The following PLEKHH1 variants were observed in gnomAD, a reference collection of about 807,000 sequenced individuals.
PLEKHH1 encodes the protein pleckstrin homology domain-containing family H member 1.
PLEKHH1 carries 104 observed loss-of-function variants against 160.0 expected under a neutral mutation model. The ratio of observed to expected loss-of-function variants is 0.65; its 90% CI spans 0.55 to 0.76. PLEKHH1 has a LOEUF of 0.76. Ranked by LOEUF, PLEKHH1 falls within the 30% of genes least tolerant of loss-of-function variation. The probability of loss-of-function intolerance (pLI) is 0.00; values close to 1 mark genes in which losing one functional copy is unlikely to be tolerated. For missense variants in PLEKHH1, 1,427 were observed against 1,724.1 expected, an observed-to-expected ratio of 0.83 and a Z score of 3.05; for synonymous variants, 619 against 678.4, an observed-to-expected ratio of 0.91 and a Z score of 1.36.
At chr14:67,542,131 T>C (rs1440852660) in intron 2 of PLEKHH1, 138 bp downstream of exon 2, 4 of 842,278 alleles carry the variant, frequency 4.7e-6, no homozygotes, top group Non-Finnish European at 7.0e-6. Flanking sequence ...AAACCCAAGG[T>C]AGTTTAAGAC....
Position 67,576,134 on chromosome 14 carries a change from T to A in PLEKHH1, c.2352+129T>A. ...TTGGACACTTTGGCAACTAATATTCTCTGAATGGGAATATTCCTTTATACT... is the reference window on the plus strand; with the variant it reads ...TTGGACACTTTGGCAACTAATATTCACTGAATGGGAATATTCCTTTATACT... On this transcript the variant is annotated intron_variant, in intron 16 of 28. Transcript: ENST00000329153. The surrounding 1 kb of genome is among the most constrained non-coding windows in gnomAD (Gnocchi z 4.0). 1.4e-6 allele frequency: 1 copy of A among 704,172 alleles called. No individual in the cohort carries two copies. The highest frequency in any genetic ancestry group is 2.4e-6 in the Non-Finnish European group (1 of 420,598). The allele number at this position is 704,172 out of a possible 1,614,324, so 43.6% of individuals were successfully genotyped here. A position where few individuals can be genotyped will look rare whatever the true frequency, so the allele number is the denominator to read the frequency against.
At position 67,583,683 on chromosome 14, in the gene PLEKHH1, C is replaced by T. The variant is rs1194763369; in HGVS notation, c.3427-58C>T. ...GGTTTATTTCACCTCTCAACAGCCCCCACCTGGCCCATCCACTGTCAGATT... is the reference window on the plus strand; with the variant it reads ...GGTTTATTTCACCTCTCAACAGCCCTCACCTGGCCCATCCACTGTCAGATT... On this transcript the variant is annotated intron_variant, in intron 24 of 28. Transcript: ENST00000329153. 7 of 1,381,662 alleles carry T rather than the reference C, an allele frequency of 5.1e-6. No homozygotes were observed. In the Admixed American group the frequency reaches 1.2e-4, roughly 24 times the overall value. The allele number at this position is 1,381,662 out of a possible 1,614,324, so 85.6% of individuals were successfully genotyped here. A position where few individuals can be genotyped will look rare whatever the true frequency, so the allele number is the denominator to read the frequency against.
At chr14:67,586,501 A>G (rs865874206) in intron 28 of PLEKHH1, 1 of 934,792 alleles carries the variant, frequency 1.1e-6, no homozygotes, top group Admixed American at 2.3e-5. Flanking sequence ...AACATTAGCT[A>G]CAAAGTGGGA....
At chr14:67,571,161 G>T in intron 9 of PLEKHH1, 1 of 154,016 alleles carries the variant, frequency 6.5e-6, no homozygotes, top group Admixed American at 6.4e-5. Context: ...GAACATCACT[G>T]TGCACATATA....
At chr14:67,555,416 G>C (rs970726957) in intron 2 of PLEKHH1, among the ~76,000 whole-genome samples, 5 of 152,206 alleles carry the variant, frequency 3.3e-5, no homozygotes, top group African/African-American at 1.2e-4. Flanking sequence ...ATGACACAGG[G>C]TGGGCCCTAT....
intron 1 of PLEKHH1, among the ~76,000 whole-genome samples, chr14:67,538,390 G>A (rs1485955515): frequency 6.6e-6 from 1 of 152,186 alleles, no homozygotes; most frequent in African/African-American, 2.4e-5. Flanking sequence ...GACTAATTGT[G>A]TTCGTCCTCC....
In PLEKHH1 at chr14:67,582,078, T is replaced by C. The variant is rs752786121; in HGVS notation, c.3294T>C (p.Phe1098=). The C allele has an allele frequency of 6.2e-7, 1 of 1,610,396 alleles. No homozygotes were observed. The highest frequency in any genetic ancestry group is 1.3e-5 in the African/African-American group (1 of 74,998). Residue 1098 remains phenylalanine (F), a synonymous_variant, in exon 24 of 29, where the codon TTT becomes TTC. Coordinates refer to ENST00000329153, the MANE Select transcript of PLEKHH1 (RefSeq NM_020715.3). The surrounding 1 kb of genome is among the most constrained non-coding windows in gnomAD (Gnocchi z 5.0). ...VKLMYKNRLY[F]RSQVKGETDR... ...ATTCTCTTCTTTGTAGGCTGTACTT[T>C]CGCAGTCAAGTCAAAGGGGAGACGG...
In PLEKHH1 at chr14:67,587,167, T is replaced by G; in HGVS notation, c.4027T>G (p.Trp1343Gly). ...PTNPPGACQL[W>G]ELDGRQFFSS... ...CAACCCACCCGGAGCCTGCCAGCTGTGGGAACTGGATGGACGACAGTTCTT... is the reference window on the plus strand; with the variant it reads ...CAACCCACCCGGAGCCTGCCAGCTGGGGGAACTGGATGGACGACAGTTCTT... The change falls in exon 29 of 29, where the codon TGG becomes GGG. Residue 1343 changes from tryptophan to glycine, a missense_variant. By Grantham distance (184) the Trp-to-Gly change is radical (BLOSUM62 -2). Coordinates refer to ENST00000329153, the MANE Select transcript of PLEKHH1 (RefSeq NM_020715.3). 1 of 1,613,904 alleles carries G rather than the reference T, an allele frequency of 6.2e-7. No homozygotes were observed. Among genetic ancestry groups the G allele is most frequent in the Non-Finnish European group, 8.5e-7 (1 of 1,179,816 alleles).
At chr14:67,535,036 C>T (rs947046411) in intron 1 of PLEKHH1, among the ~76,000 whole-genome samples, 7 of 152,150 alleles carry the variant, frequency 4.6e-5, no homozygotes, top group Non-Finnish European at 1.0e-4. Context: ...TGTTATAAAG[C>T]GTGCAGAGAA....
rs539743230 is a variant in PLEKHH1 at position 67,547,886 on chromosome 14, C to T, written c.126+5893C>T. ...ATCCCTCACCTAAGGGAGAGAGAGC[C>T]GGATGAAGGGAGAGGAGAGTTGAGA... On this transcript the variant is annotated intron_variant, in intron 2 of 28. Coordinates refer to ENST00000329153, the MANE Select transcript of PLEKHH1 (RefSeq NM_020715.3). Among the ~76,000 whole-genome samples the T allele has an allele frequency of 5.3e-5, 8 of 152,236 alleles. No homozygotes were observed. In the East Asian group the frequency reaches 1.3e-3, roughly 26 times the overall value.
In PLEKHH1 at chr14:67,572,201, A is replaced by G. The variant is rs375335890; in HGVS notation, c.1652A>G (p.Asp551Gly). The change falls in exon 11 of 29, where the codon GAC (aspartate) becomes GGC (glycine). Residue 551 changes from aspartate to glycine, a missense_variant. Physicochemically the swap from Asp to Gly is moderately conservative, Grantham distance 94. This residue lies in a region of PLEKHH1 where 831 missense variants were observed against 929.2 expected (regional missense o/e 0.89). Transcript: ENST00000329153. ...ATCCCCCCGGACGCCTGCTCACTGG[A>G]CAGTGACTACTCAGAGCCTGAGCAC... Reference protein sequence around the residue: ...YAIPPDACSLDSDYSEPEHKL... With the variant: ...YAIPPDACSLGSDYSEPEHKL... 1.9e-6 allele frequency: 3 copies of G among 1,609,006 alleles called. No individual in the cohort carries two copies. Among genetic ancestry groups the G allele is most frequent in the Non-Finnish European group, 2.5e-6 (3 of 1,177,934 alleles).
chr14:67,579,557 C>G, intron 21 of PLEKHH1, 164 bp from the exon 22 acceptor site: 3 of 691,302 alleles, frequency 4.3e-6, no homozygotes, highest in Non-Finnish European at 7.2e-6. Flanking sequence ...AGCTCACATC[C>G]CTCATGCACT....
chr14:67,575,709 C>T (rs776181755), intron 15 of PLEKHH1, 114 bp from the exon 16 acceptor site: 17 of 816,930 alleles, frequency 2.1e-5, no homozygotes, highest in Non-Finnish European at 3.0e-5. Context: ...CCTCCCCATC[C>T]TGTCATCGGT....
chr14:67,535,562 AG>A (rs1407263924), intron 1 of PLEKHH1, among the ~76,000 whole-genome samples: 1 of 151,730 alleles, frequency 6.6e-6, no homozygotes, highest in East Asian at 1.9e-4. Flanking sequence ...TTGTATTTTT[AG>A]TAGAGACAGG....
In PLEKHH1 at chr14:67,589,589, C is replaced by G; in HGVS notation, c.*2354C>G. On this transcript the variant is annotated 3_prime_UTR_variant, in exon 29 of 29. Transcript: ENST00000329153. The stretch of plus-strand genomic sequence containing the variant: ...TAACAGTAAATAAATAAGCCCTGTA[C>G]AGAACACAGGCACTAGGTTGACAGA... The G allele has an allele frequency of 1.0e-6, 1 of 985,652 alleles. No homozygotes were observed. Among genetic ancestry groups the G allele is most frequent in the Middle Eastern group, 5.2e-4 (1 of 1,920 alleles). 61.1% of individuals were successfully genotyped at this position (985,652 alleles called of 1,614,324 possible).
At chr14:67,559,468 A>G in intron 4 of PLEKHH1, 140 bp from the exon 5 acceptor site, 1 of 617,574 alleles carries the variant, frequency 1.6e-6, no homozygotes, top group Non-Finnish European at 2.9e-6. Context: ...ATCAAATAAT[A>G]TTTCAACAAA....
chr14:67,541,946 CG>C lies in PLEKHH1; in HGVS notation c.81del (p.Phe28SerfsTer8). 1 of 1,607,138 alleles carries C rather than the reference CG, an allele frequency of 6.2e-7. No individual in the cohort carries two copies. Among genetic ancestry groups the C allele is most frequent in the Non-Finnish European group, 8.5e-7 (1 of 1,177,116 alleles). Reference sequence around the variant, plus strand: ...CCTGACCCTGGAAACTCAGCTTTTCCGGTTCCGCCTACAGGCCAGCAAGATA... The same window carrying C: ...CCTGACCCTGGAAACTCAGCTTTTCCGTTCCGCCTACAGGCCAGCAAGATA... ...RCLTLETQLF[R>X]FRLQASKIRE... On this transcript the variant is annotated frameshift_variant, in exon 2 of 29. Transcript: ENST00000329153. LOFTEE classifies it high-confidence loss of function.
At position 67,584,070 on chromosome 14, in the gene PLEKHH1, C is replaced by T; in HGVS notation, c.3645C>T (p.Tyr1215=). The T allele has an allele frequency of 6.2e-7, 1 of 1,614,026 alleles. No individual in the cohort carries two copies. Among genetic ancestry groups the T allele is most frequent in the Non-Finnish European group, 8.5e-7 (1 of 1,179,874 alleles). Residue 1215 remains tyrosine (Y), a synonymous_variant, in exon 26 of 29, where the codon TAC becomes TAT. Transcript: ENST00000329153. ...CCCCTCCTGAGTGCATCCGCATCTA[C>T]CTGACCGTGGCCAGGAAATGGCCTT... The part of the protein sequence containing the change: ...GCSPPECIRI[Y]LTVARKWPFF...
At chr14:67,546,343 T>A (rs181173614) in intron 2 of PLEKHH1, among the ~76,000 whole-genome samples, 29 of 152,268 alleles carry the variant, frequency 1.9e-4, no homozygotes, top group Non-Finnish European at 3.7e-4. Context: ...TTTTTGGGAT[T>A]TTTTTAAGAC....
Sources: allele counts gnomAD v4.1 joint callset (sites outside exome capture counted in the v4.1 genomes callset), GRCh38; gene constraint gnomAD v4.1.1; regional missense constraint gnomAD v4.1.1; non-coding constraint Gnocchi (gnomAD v3.1); transcripts MANE v1.5; gene names NCBI Gene and HGNC (gene_info 2026-07-23, HGNC 2026-07-21).